The following SERINC5 variants were observed in gnomAD, a reference collection of about 807,000 sequenced individuals.
The protein encoded by SERINC5 is chromosome 5 open reading frame 12.
In SERINC5, 41 loss-of-function variants were observed where a neutral mutation model predicts 63.1. That is an observed-to-expected ratio of 0.65 (90% CI 0.51 to 0.84). The LOEUF (loss-of-function observed/expected upper bound fraction) is 0.84. SERINC5 is among the 40% of genes least tolerant of loss of function. The pLI, the probability that SERINC5 is intolerant of heterozygous loss-of-function variation, is 0.00. For synonymous variants in SERINC5, 222 were observed against 215.2 expected, an observed-to-expected ratio of 1.03 and a Z score of -0.28; for missense variants, 523 against 573.0, an observed-to-expected ratio of 0.91 and a Z score of 0.89.
At chr5:80,178,528 A>G (rs1245380775) in intron 2 of SERINC5, among the ~76,000 whole-genome samples, 2 of 128,240 alleles carry the variant, frequency 1.6e-5, no homozygotes, top group Non-Finnish European at 3.2e-5. Flanking sequence ...ATGCCCAGCT[A>G]ATTTTTGTAT....
At chr5:80,178,329 C>CT (rs368626051) in intron 2 of SERINC5, among the ~76,000 whole-genome samples, 9 of 149,990 alleles carry the variant, frequency 6.0e-5, no homozygotes, top group East Asian at 3.9e-4. Context: ...CAAAAATTAC[C>CT]TTTTTTTTAA....
rs1035067327 is a variant in SERINC5 at position 80,139,804 on chromosome 5, G to A, written c.*3859C>T. ...AAGGAGGGCCCAGTGTTCTTTCTGG[G>A]TGTGTAAGGTCTTACTTAGTTCAAG... On this transcript the variant is annotated 3_prime_UTR_variant, in exon 12 of 12. Coordinates refer to ENST00000507668, the MANE Select transcript of SERINC5 (RefSeq NM_001174072.3). 1.3e-5 allele frequency: 13 copies of A among 985,312 alleles called. No homozygotes were observed. The highest frequency in any genetic ancestry group is 1.4e-5 in the Non-Finnish European group (12 of 829,964). The allele number at this position is 985,312 out of a possible 1,614,324, so 61.0% of individuals were successfully genotyped here.
At chr5:80,247,305 G>A (rs1010809) in intron 1 of SERINC5, among the ~76,000 whole-genome samples, 17,369 of 152,190 alleles carry the variant, frequency 0.11, 1,175 homozygotes, top group Middle Eastern at 0.2. Flanking sequence ...TAAAGCTTCC[G>A]TGTCTCATAG....
In SERINC5 at chr5:80,116,973, C is replaced by T. The variant is rs142808604; in HGVS notation, c.1239-3348G>A. On this transcript the variant is annotated intron_variant, in intron 11 of 12. Coordinates refer to the SERINC5 transcript ENST00000509193. ...CCTCCCAAGTAGCTGGGATTACAGGCGAGTGCCACCAGGCCCATCTAATTT... is the reference window on the plus strand; with the variant it reads ...CCTCCCAAGTAGCTGGGATTACAGGTGAGTGCCACCAGGCCCATCTAATTT... Among the ~76,000 whole-genome samples, 151 of 151,956 alleles carry T rather than the reference C, an allele frequency of 9.9e-4. 1 individual carries two copies. The highest frequency in any genetic ancestry group is 3.4e-3 in the African/African-American group (140 of 41,304).
chr5:80,199,863 A>C (rs2112482066), intron 2 of SERINC5, among the ~76,000 whole-genome samples: 1 of 152,310 alleles, frequency 6.6e-6, no homozygotes, highest in East Asian at 1.9e-4. Context: ...AAGCCACCTT[A>C]ATGGATTTAG....
intron 7 of SERINC5, among the ~76,000 whole-genome samples, chr5:80,160,155 G>A (rs1190030498): frequency 1.3e-5 from 2 of 152,138 alleles, no homozygotes; most frequent in Non-Finnish European, 2.9e-5. Context: ...TCTCCAGGTA[G>A]AGCATCCGAA....
Position 80,142,741 on chromosome 5 carries a change from AT to A in SERINC5, c.*921del, listed in dbSNP as rs1228529308. On this transcript the variant is annotated 3_prime_UTR_variant, in exon 12 of 12. Transcript: ENST00000507668. ...ACCTCAACAACTGAAAGAGCAGTGCATGCAGCAGGCTTCAACACGAAGCAGC... is the reference window on the plus strand; with the variant it reads ...ACCTCAACAACTGAAAGAGCAGTGCAGCAGCAGGCTTCAACACGAAGCAGC... The A allele has an allele frequency of 1.0e-6, 1 of 985,352 alleles. No individual in the cohort carries two copies. The highest frequency in any genetic ancestry group is 1.2e-6 in the Non-Finnish European group (1 of 829,956). The allele number at this position is 985,352 out of a possible 1,614,324, so 61.0% of individuals were successfully genotyped here.
At chr5:80,237,929 C>T (rs1191912838) in intron 1 of SERINC5, among the ~76,000 whole-genome samples, 2 of 151,352 alleles carry the variant, frequency 1.3e-5, no homozygotes, top group East Asian at 2.0e-4. Flanking sequence ...ATGGTGAAAC[C>T]CCATCTCTAC....
chr5:80,221,621 T>A (rs1750910888), intron 1 of SERINC5, among the ~76,000 whole-genome samples: 1 of 152,134 alleles, frequency 6.6e-6, no homozygotes, highest in African/African-American at 2.4e-5. Flanking sequence ...AAGCACGAAT[T>A]TCATAAGTTT....
At chr5:80,116,124 G>A in intron 11 of SERINC5, 2 of 360,452 alleles carry the variant, frequency 5.5e-6, no homozygotes, top group Middle Eastern at 7.6e-4. Context: ...CTGCAGCAAT[G>A]CAAAAATAGG....
At chr5:80,243,516 A>T (rs925248464) in intron 1 of SERINC5, among the ~76,000 whole-genome samples, 2 of 152,042 alleles carry the variant, frequency 1.3e-5, no homozygotes, top group Non-Finnish European at 2.9e-5. Flanking sequence ...GAGGGGCATT[A>T]AAAAGGACAT....
chr5:80,179,490 T>A (rs1429254725), intron 2 of SERINC5, among the ~76,000 whole-genome samples: 1 of 152,238 alleles, frequency 6.6e-6, no homozygotes, highest in African/African-American at 2.4e-5. Context: ...GTACTTGTTT[T>A]TTATTATCAC....
intron 1 of SERINC5, among the ~76,000 whole-genome samples, chr5:80,254,216 G>A (rs558811730): frequency 1.4e-5 from 2 of 138,772 alleles, no homozygotes; most frequent in East Asian, 2.5e-4. Flanking sequence ...GAGCCACTGC[G>A]CCCAGCCTGT....
intron 2 of SERINC5, among the ~76,000 whole-genome samples, chr5:80,188,044 G>C (rs1342082872): frequency 6.6e-6 from 1 of 152,106 alleles, no homozygotes; most frequent in Admixed American, 6.5e-5. Flanking sequence ...TAGCACTTTG[G>C]GAGGCCGAGG....
intron 2 of SERINC5, among the ~76,000 whole-genome samples, chr5:80,181,794 G>A (rs1041144561): frequency 2.0e-5 from 3 of 152,094 alleles, no homozygotes; most frequent in African/African-American, 7.2e-5. Context: ...GCCATAAAAA[G>A]GGTAGGTACG....
At chr5:80,182,875 TC>T (rs1748544007) in intron 2 of SERINC5, among the ~76,000 whole-genome samples, 1 of 152,094 alleles carries the variant, frequency 6.6e-6, no homozygotes, top group Admixed American at 6.6e-5. Context: ...TTGCTTTTTC[TC>T]CTGTAATTGG....
At position 80,173,215 on chromosome 5, in the gene SERINC5, CAGGAAGGAAAGA is replaced by C. The variant is rs1180899079; in HGVS notation, c.551+1727_551+1738del. Among the ~76,000 whole-genome samples, 12 of 128,452 alleles carry C rather than the reference CAGGAAGGAAAGA, an allele frequency of 9.3e-5. No homozygotes were observed. The East Asian group carries it at 1.3e-3, about 14-fold the overall frequency. The allele number at this position is 128,452 out of a possible 152,430, so 84.3% of individuals were successfully genotyped here. A position where few individuals can be genotyped will look rare whatever the true frequency, so the allele number is the denominator to read the frequency against. On this transcript the variant is annotated intron_variant, in intron 5 of 11. Coordinates refer to ENST00000507668, the MANE Select transcript of SERINC5 (RefSeq NM_001174072.3). ...AGGAAAAGGAAAGGAAGAGGAAAGG[CAGGAAGGAAAGA>C]AGGAAGGAAGGAAGGAAGGAAGGAA... is the stretch of plus-strand genomic sequence containing the variant.
intron 7 of SERINC5, among the ~76,000 whole-genome samples, chr5:80,160,307 T>C (rs1018921326): frequency 6.6e-6 from 1 of 152,212 alleles, no homozygotes; most frequent in African/African-American, 2.4e-5. Flanking sequence ...TTCTAAACAC[T>C]ACGTAACAAA....
In SERINC5 at chr5:80,141,483, C is replaced by T; in HGVS notation, c.*2180G>A. ...AGGTCAGTTTCTCAAATCACACCAGCTGGCAGCCAGACCCAGCCGAGAGGA... is the reference window on the plus strand; with the variant it reads ...AGGTCAGTTTCTCAAATCACACCAGTTGGCAGCCAGACCCAGCCGAGAGGA... On this transcript the variant is annotated 3_prime_UTR_variant, in exon 12 of 12. Transcript: ENST00000507668. 2.0e-6 allele frequency: 2 copies of T among 985,480 alleles called. No individual in the cohort carries two copies. Among genetic ancestry groups the T allele is most frequent in the Non-Finnish European group, 2.4e-6 (2 of 830,022 alleles). 61.0% of individuals were successfully genotyped at this position (985,480 alleles called of 1,614,324 possible). A position where few individuals can be genotyped will look rare whatever the true frequency, so the allele number is the denominator to read the frequency against.
Sources: allele counts gnomAD v4.1 joint callset (sites outside exome capture counted in the v4.1 genomes callset), GRCh38; gene constraint gnomAD v4.1.1; transcripts MANE v1.5; gene names NCBI Gene and HGNC (gene_info 2026-07-23, HGNC 2026-07-21).